ADAMTS19: variants seen among roughly 807,000 people sequenced by gnomAD.
ADAMTS19 encodes A disintegrin and metalloproteinase with thrombospondin motifs 19.
ADAMTS19 carries 93 observed loss-of-function variants against 153.3 expected under a neutral mutation model. The observed-to-expected ratio is 0.61, with a 90% CI of 0.51 to 0.72. ADAMTS19 has a LOEUF of 0.72. Ranked by LOEUF, ADAMTS19 falls within the 30% of genes least tolerant of loss-of-function variation. ADAMTS19 has a pLI of 0.00. For synonymous variants in ADAMTS19, 600 were observed against 556.6 expected (o/e 1.08, Z -1.10); for missense variants, 1,482 against 1,552.1 (o/e 0.95, Z 0.76).
intron 21 of ADAMTS19, among the ~76,000 whole-genome samples, chr5:129,733,616 T>C (rs773906160): frequency 4.0e-5 from 6 of 151,896 alleles, no homozygotes; most frequent in Non-Finnish European, 7.4e-5. Context: ...TACCATCTCA[T>C]ACCAGTCAGA....
intron 15 of ADAMTS19, among the ~76,000 whole-genome samples, chr5:129,660,273 C>A (rs1251815320): frequency 2.0e-5 from 3 of 151,998 alleles, no homozygotes; most frequent in Non-Finnish European, 4.4e-5. Context: ...TGCTGGCACT[C>A]CTTTAGAAAA....
intron 7 of ADAMTS19, among the ~76,000 whole-genome samples, chr5:129,568,548 G>T (rs373370714): frequency 1.3e-5 from 2 of 152,160 alleles, no homozygotes; most frequent in Admixed American, 1.3e-4. Context: ...CACTGGGCAT[G>T]GTCACTCATG....
intron 7 of ADAMTS19, among the ~76,000 whole-genome samples, chr5:129,556,254 G>T (rs1753306940): frequency 6.6e-6 from 1 of 152,116 alleles, no homozygotes; most frequent in Non-Finnish European, 1.5e-5. Flanking sequence ...AAACATATGT[G>T]CATTTTCCTT....
At chr5:129,704,859 CA>C (rs1756071636) in intron 21 of ADAMTS19, among the ~76,000 whole-genome samples, 1 of 151,816 alleles carries the variant, frequency 6.6e-6, no homozygotes, top group Non-Finnish European at 1.5e-5. Context: ...TGGAAAGGAA[CA>C]AAATGTTGAC....
chr5:129,460,568 C>T (rs1317360633), intron 1 of ADAMTS19, 86 bp downstream of exon 1: 6 of 1,480,464 alleles, frequency 4.1e-6, no homozygotes, highest in Non-Finnish European at 5.7e-6. Flanking sequence ...CTGGTGCAAC[C>T]GGTGCGTGGA....
intron 2 of ADAMTS19, among the ~76,000 whole-genome samples, chr5:129,505,461 G>A (rs556542215): frequency 6.6e-6 from 1 of 152,052 alleles, no homozygotes; most frequent in Non-Finnish European, 1.5e-5. Context: ...TTGAATAAAT[G>A]AACCATTTAT....
chr5:129,679,118 CAG>C (rs1754679038), intron 16 of ADAMTS19, among the ~76,000 whole-genome samples: 1 of 152,076 alleles, frequency 6.6e-6, no homozygotes, highest in Admixed American at 6.5e-5. Context: ...ATTATGTAAA[CAG>C]AATTATTCTG....
chr5:129,539,314 G>A (rs73787550), intron 6 of ADAMTS19, among the ~76,000 whole-genome samples: 3 of 152,174 alleles, frequency 2.0e-5, no homozygotes, highest in African/African-American at 7.2e-5. Flanking sequence ...GAGAAGGACT[G>A]GAAGATGCTA....
chr5:129,606,800 G>A (rs1483404156), intron 8 of ADAMTS19, among the ~76,000 whole-genome samples: 1 of 152,076 alleles, frequency 6.6e-6, no homozygotes, highest in Admixed American at 6.6e-5. Context: ...CAGCACTAAT[G>A]ATTTATACCT....
intron 15 of ADAMTS19, among the ~76,000 whole-genome samples, chr5:129,661,850 CT>C (rs1197768382): frequency 6.6e-6 from 1 of 152,076 alleles, no homozygotes; most frequent in East Asian, 1.9e-4. Flanking sequence ...GCTGTAAGAG[CT>C]TTTGCGTGTT....
At chr5:129,658,206 A>G (rs1209853924) in intron 14 of ADAMTS19, among the ~76,000 whole-genome samples, 1 of 152,022 alleles carries the variant, frequency 6.6e-6, no homozygotes, top group Admixed American at 6.6e-5. Flanking sequence ...GGCTGGCTTC[A>G]GCCTGGGAGG....
chr5:129,544,058 T>C lies in ADAMTS19; in HGVS notation c.1329-7806T>C, dbSNP rs556285751. Among the ~76,000 whole-genome samples, 11 of 152,318 alleles carry C rather than the reference T, an allele frequency of 7.2e-5. No individual in the cohort carries two copies. The South Asian group carries it at 1.7e-3, about 23-fold the overall frequency. ...TAATTGAGTCTATATTTGTTTTGCA[T>C]AGTCATCTCTTTCAGAATTTGCCAG... On this transcript the variant is annotated intron_variant, in intron 6 of 22. Coordinates refer to ENST00000274487, the MANE Select transcript of ADAMTS19 (RefSeq NM_133638.6).
intron 11 of ADAMTS19, among the ~76,000 whole-genome samples, chr5:129,645,885 A>ATTTTTTTTTTTTTTTTTTCTT (rs1753036959): frequency 8.3e-4 from 81 of 97,086 alleles, no homozygotes; most frequent in African/African-American, 3.5e-3. Flanking sequence ...TCCTTTTCCA[A>ATTTTTTTTTTTTTTTTTTCTT]TTTTTTTTTT....
At chr5:129,546,546 A>G (rs1257443382) in intron 6 of ADAMTS19, among the ~76,000 whole-genome samples, 1 of 151,118 alleles carries the variant, frequency 6.6e-6, no homozygotes, top group African/African-American at 2.5e-5. Flanking sequence ...GAGACTTCTA[A>G]TCAATATTTA....
intron 1 of ADAMTS19, among the ~76,000 whole-genome samples, 188 bp from the exon 2 acceptor site, chr5:129,460,914 C>A (rs565629676): frequency 6.7e-6 from 1 of 150,370 alleles, no homozygotes; most frequent in South Asian, 2.1e-4. Flanking sequence ...TACTTTTACT[C>A]TGAAAATGCT....
At chr5:129,649,316 C>T (rs1035828693) in intron 13 of ADAMTS19, among the ~76,000 whole-genome samples, 3 of 152,056 alleles carry the variant, frequency 2.0e-5, no homozygotes, top group African/African-American at 7.2e-5. Context: ...TTGTAAATAA[C>T]TAAACATACA....
At chr5:129,505,361 T>C (rs1040308807) in intron 2 of ADAMTS19, among the ~76,000 whole-genome samples, 1 of 152,174 alleles carries the variant, frequency 6.6e-6, no homozygotes, top group African/African-American at 2.4e-5. Context: ...GAGAGTGTTA[T>C]ATTGCTTTCT....
intron 3 of ADAMTS19, among the ~76,000 whole-genome samples, chr5:129,517,519 C>CT (rs1751654186): frequency 6.6e-6 from 1 of 151,846 alleles, no homozygotes; most frequent in Non-Finnish European, 1.5e-5. Flanking sequence ...GTTGAATGGA[C>CT]TCCTTTATCA....
intron 21 of ADAMTS19, among the ~76,000 whole-genome samples, chr5:129,729,386 A>G (rs908463927): frequency 5.9e-5 from 9 of 151,856 alleles, no homozygotes; most frequent in African/African-American, 1.9e-4. Flanking sequence ...ATGACTGTCC[A>G]TTTTCCATAT....
Sources: allele counts gnomAD v4.1 joint callset (sites outside exome capture counted in the v4.1 genomes callset), GRCh38; gene constraint gnomAD v4.1.1; transcripts MANE v1.5; gene names NCBI Gene and HGNC (gene_info 2026-07-23, HGNC 2026-07-21).